The following RYR3 variants were observed in gnomAD, a reference collection of about 807,000 sequenced individuals.
RYR3 encodes ryanodine receptor 3, also known as brain ryanodine receptor-calcium release channel.
In RYR3, 207 loss-of-function variants were observed where a neutral mutation model predicts 584.3. The observed-to-expected ratio is 0.35, with a 90% CI of 0.32 to 0.40. The LOEUF (loss-of-function observed/expected upper bound fraction) is 0.40, where lower values mean the gene tolerates loss of function less well. Ranked by LOEUF, RYR3 falls within the 10% of genes least tolerant of loss-of-function variation. The probability of loss-of-function intolerance (pLI) is 1.00; values close to 1 mark genes in which losing one functional copy is unlikely to be tolerated. For synonymous variants in RYR3, 2,416 were observed against 2,248.5 expected, an observed-to-expected ratio of 1.07 and a Z score of -2.11; for missense variants, 5,616 against 6,089.2, an observed-to-expected ratio of 0.92 and a Z score of 2.59.
At chr15:33,467,578 G>A (rs2048589374) in intron 1 of RYR3, 1 of 592,244 alleles carries the variant, frequency 1.7e-6, no homozygotes, top group Non-Finnish European at 2.1e-6. Flanking sequence ...GTAGAAAGAA[G>A]TTGACTTTGT....
intron 1 of RYR3, among the ~76,000 whole-genome samples, chr15:33,314,854 C>A (rs1967892788): frequency 6.6e-6 from 1 of 151,758 alleles, no homozygotes; most frequent in Admixed American, 6.6e-5. Flanking sequence ...GCGGAGCCTG[C>A]AGTGAGCCGA....
intron 65 of RYR3, among the ~76,000 whole-genome samples, chr15:33,782,976 G>A (rs1308123703): frequency 6.6e-6 from 1 of 152,150 alleles, no homozygotes; most frequent in Non-Finnish European, 1.5e-5. Flanking sequence ...TTACCAGTCA[G>A]TTTGCTTTTC....
At chr15:33,522,073 G>A (rs1163505682) in intron 3 of RYR3, among the ~76,000 whole-genome samples, 7 of 140,162 alleles carry the variant, frequency 5.0e-5, no homozygotes, top group Non-Finnish European at 9.2e-5. Flanking sequence ...GGCCAATATG[G>A]CAAAACCCCA....
intron 64 of RYR3, among the ~76,000 whole-genome samples, chr15:33,779,062 T>C: frequency 6.6e-6 from 1 of 152,240 alleles, no homozygotes; most frequent in South Asian, 2.1e-4. Context: ...CACAGCTTTC[T>C]GCCAACTCAC....
intron 102 of RYR3, 27 bp from the exon 103 acceptor site, chr15:33,864,111 T>C (rs11072760): frequency 0.71 from 1,115,522 of 1,578,084 alleles, 404,878 homozygotes; most frequent in Non-Finnish European, 0.75. Flanking sequence ...GACCAGAGTA[T>C]CTAATACTAT....
In RYR3 at chr15:33,857,765, T is replaced by A; in HGVS notation, c.14008-15T>A. 2 of 1,613,948 alleles carry A rather than the reference T, an allele frequency of 1.2e-6. No homozygotes were observed. Among genetic ancestry groups the A allele is most frequent in the South Asian group, 2.2e-5 (2 of 91,078 alleles). ...GACCCCACTCCTTTTCCTTTCTCTG[T>A]CCTCTCATTCCCAGTTGGTTCTGAC... On this transcript the variant is annotated splice_polypyrimidine_tract_variant and intron_variant, in intron 98 of 103. Coordinates refer to ENST00000634891, the MANE Select transcript of RYR3 (RefSeq NM_001036.6).
At chr15:33,566,366 A>G (rs2057715445) in intron 11 of RYR3, among the ~76,000 whole-genome samples, 1 of 152,210 alleles carries the variant, frequency 6.6e-6, no homozygotes, top group Non-Finnish European at 1.5e-5. Context: ...GTTCATTTTA[A>G]GAGGAAAATC....
intron 24 of RYR3, 45 bp downstream of exon 24, chr15:33,633,153 G>C: frequency 6.3e-7 from 1 of 1,598,598 alleles, no homozygotes; most frequent in Admixed American, 1.7e-5. Flanking sequence ...TAGAAGATAT[G>C]ATCATCCACG....
chr15:33,556,827 C>T (rs2057097626), intron 10 of RYR3, among the ~76,000 whole-genome samples: 2 of 152,086 alleles, frequency 1.3e-5, no homozygotes, highest in Non-Finnish European at 2.9e-5. Context: ...TGTATAAAAC[C>T]ATCCCTAACT....
At chr15:33,723,014 A>G in intron 44 of RYR3, 119 bp downstream of exon 44, 1 of 899,636 alleles carries the variant, frequency 1.1e-6, no homozygotes, top group Admixed American at 2.7e-5. Context: ...GTTACAGCTA[A>G]AACATTGACC....
intron 99 of RYR3, chr15:33,858,870 C>G (rs932634568): frequency 3.9e-5 from 6 of 152,492 alleles, no homozygotes; most frequent in African/African-American, 1.2e-4. Flanking sequence ...AGAGGTAACA[C>G]TTCTTGACGA....
At chr15:33,705,888 G>C (rs1714344227) in intron 42 of RYR3, among the ~76,000 whole-genome samples, 1 of 152,200 alleles carries the variant, frequency 6.6e-6, no homozygotes. Flanking sequence ...CGCCCCCAGT[G>C]GGCCCTTCTT....
rs765011115 is a variant in RYR3 at position 33,731,669 on chromosome 15, G to A, written c.7399G>A (p.Glu2467Lys). 1 of 1,612,590 alleles carries A rather than the reference G, an allele frequency of 6.2e-7. No individual in the cohort carries two copies. The highest frequency in any genetic ancestry group is 1.1e-5 in the South Asian group (1 of 90,916). ...SLTKAQRDTI[E>K]ECLLAICNHL... ...CACCAAAGCACAAAGGGACACTATA[G>A]AAGAATGTTTGCTTGCCATTTGCAA... is the stretch of plus-strand genomic sequence containing the variant. The change falls in exon 48 of 104, where the codon GAA (glutamate) becomes AAA (lysine). Residue 2467 changes from glutamate to lysine, a missense_variant. By Grantham distance (56) the Glu-to-Lys change is moderately conservative. Coordinates refer to ENST00000634891, the MANE Select transcript of RYR3 (RefSeq NM_001036.6).
intron 1 of RYR3, among the ~76,000 whole-genome samples, chr15:33,417,979 A>G (rs114780410): frequency 0.018 from 2,723 of 152,290 alleles, 76 homozygotes; most frequent in African/African-American, 0.056. Flanking sequence ...GGTGAATCAC[A>G]TCAAATTGCG....
intron 60 of RYR3, among the ~76,000 whole-genome samples, chr15:33,768,301 C>T (rs137948977): frequency 2.6e-5 from 4 of 152,278 alleles, no homozygotes; most frequent in African/African-American, 7.2e-5. Context: ...TGCTTTTTTC[C>T]GGAGTCTTCA....
At chr15:33,826,214 T>G in intron 82 of RYR3, 38 bp from the exon 83 acceptor site, 2 of 1,606,564 alleles carry the variant, frequency 1.2e-6, no homozygotes, top group Non-Finnish European at 1.7e-6. Flanking sequence ...TTTACAGTTT[T>G]CTTACTTTCT....
chr15:33,501,975 G>A (rs2052029853), intron 2 of RYR3, among the ~76,000 whole-genome samples: 1 of 152,142 alleles, frequency 6.6e-6, no homozygotes, highest in South Asian at 2.1e-4. Context: ...AATAAAAAAG[G>A]ATTGGGCAAA....
At chr15:33,843,661 C>G in intron 92 of RYR3, 87 bp downstream of exon 92, 1 of 960,194 alleles carries the variant, frequency 1.0e-6, no homozygotes. Flanking sequence ...AGAATTTGTG[C>G]TCTTAATTGT....
chr15:33,638,973 T>C (rs747255023), intron 27 of RYR3, among the ~76,000 whole-genome samples: 1 of 152,170 alleles, frequency 6.6e-6, no homozygotes, highest in African/African-American at 2.4e-5. Context: ...GAAAGGTAGA[T>C]AAGGTGCAGA....
Sources: allele counts gnomAD v4.1 joint callset (sites outside exome capture counted in the v4.1 genomes callset), GRCh38; gene constraint gnomAD v4.1.1; transcripts MANE v1.5; gene names NCBI Gene and HGNC (gene_info 2026-07-23, HGNC 2026-07-21).